The following FAM227A variants were observed in gnomAD, a reference collection of about 807,000 sequenced individuals.
The protein encoded by FAM227A is family with sequence similarity 227 member A.
Under a neutral mutation model 74.7 loss-of-function variants are expected in FAM227A, and 80 were observed. The ratio of observed to expected loss-of-function variants is 1.07; its 90% CI spans 0.89 to 1.29. The LOEUF is 1.29. Ranked by LOEUF, FAM227A falls within the 50% of genes most tolerant of loss-of-function variation. FAM227A has a pLI of 0.00. For missense variants in FAM227A, 654 were observed against 683.4 expected (o/e 0.96, Z 0.48); for synonymous variants, 237 against 241.8 (o/e 0.98, Z 0.19).
intron 2 of FAM227A, among the ~76,000 whole-genome samples, chr22:38,646,140 G>A (rs1425301395): frequency 1.3e-5 from 2 of 150,738 alleles, no homozygotes; most frequent in African/African-American, 4.9e-5. Context: ...AATGAGAGTT[G>A]ACCATATTAT....
chr22:38,601,323 G>A (rs2091173011), intron 13 of FAM227A, among the ~76,000 whole-genome samples: 1 of 151,982 alleles, frequency 6.6e-6, no homozygotes, highest in Non-Finnish European at 1.5e-5. Flanking sequence ...CTGTGGGGAA[G>A]GGAGCCATGG....
intron 5 of FAM227A, among the ~76,000 whole-genome samples, chr22:38,637,943 G>T (rs1251428436): frequency 6.6e-6 from 1 of 152,196 alleles, no homozygotes; most frequent in African/African-American, 2.4e-5. Flanking sequence ...GAGATGGACA[G>T]ATCACTTGAG....
intron 15 of FAM227A, among the ~76,000 whole-genome samples, chr22:38,595,048 AGAT>A (rs2091014526): frequency 6.6e-6 from 1 of 152,202 alleles, no homozygotes; most frequent in Non-Finnish European, 1.5e-5. Flanking sequence ...CAGTGAGCCG[AGAT>A]TGCACCACTG....
intron 9 of FAM227A, 55 bp downstream of exon 9, chr22:38,626,125 G>A: frequency 1.9e-6 from 3 of 1,540,448 alleles, no homozygotes; most frequent in Non-Finnish European, 2.6e-6. Context: ...CTAGGTGCCA[G>A]CGGAAAACAT....
chr22:38,602,919 G>C (rs1245141454), intron 13 of FAM227A, among the ~76,000 whole-genome samples: 1 of 152,106 alleles, frequency 6.6e-6, no homozygotes, highest in Non-Finnish European at 1.5e-5. Context: ...TGTCGCCCAG[G>C]CTGGAGTGCA....
Position 38,638,785 on chromosome 22 carries a change from G to C in FAM227A, c.333C>G (p.Gly111=). 6.5e-7 allele frequency: 1 copy of C among 1,540,382 alleles called. No homozygotes were observed. Among genetic ancestry groups the C allele is most frequent in the Admixed American group, 2.1e-5 (1 of 47,200 alleles). ...RQRKSQYSCK[G]SELRHARSSV... ...AAGATCTGGCATGTCTGAGTTCGGA[G>C]CCTTTGCAGGAATACTGAGATTTCC... The change falls in exon 5 of 17, where the codon GGC becomes GGG. Residue 111 remains glycine (G), a synonymous_variant. Coordinates refer to ENST00000535113, the MANE Select transcript of FAM227A (RefSeq NM_001013647.2).
chr22:38,590,280 A>T (rs2090903653), intron 16 of FAM227A, among the ~76,000 whole-genome samples: 1 of 74,810 alleles, frequency 1.3e-5, no homozygotes. Context: ...ACTCCATCTC[A>T]AAAAAAAAAA....
intron 15 of FAM227A, among the ~76,000 whole-genome samples, chr22:38,595,971 G>GGC (rs1555951780): frequency 9.8e-4 from 1 of 1,020 alleles, no homozygotes; most frequent in African/African-American, 3.8e-3. Flanking sequence ...CAACTAATAA[G>GGC]GGGGGGGGGG....
In FAM227A at chr22:38,585,856, A is replaced by C; in HGVS notation, c.*269T>G. 1.4e-6 allele frequency: 1 copy of C among 692,042 alleles called. No individual in the cohort carries two copies. Among genetic ancestry groups the C allele is most frequent in the Non-Finnish European group, 2.3e-6 (1 of 437,290 alleles). The allele number at this position is 692,042 out of a possible 1,614,324, so 42.9% of individuals were successfully genotyped here. On this transcript the variant is annotated 3_prime_UTR_variant, in exon 17 of 17. Transcript: ENST00000535113. The stretch of plus-strand genomic sequence containing the variant: ...GAAAGTTTTACCTTTGTATGAGGTC[A>C]TATTTGTAACATACTTACCAGCATG...
chr22:38,632,586 A>G (rs2091935219), intron 6 of FAM227A, among the ~76,000 whole-genome samples: 1 of 152,176 alleles, frequency 6.6e-6, no homozygotes, highest in Admixed American at 6.5e-5. Flanking sequence ...AGCAGCACAA[A>G]GAGACTAAGA....
chr22:38,652,609 G>T (rs149761166), intron 1 of FAM227A, among the ~76,000 whole-genome samples: 1 of 138,702 alleles, frequency 7.2e-6, no homozygotes, highest in Non-Finnish European at 1.6e-5. Context: ...AAAAAAGGTC[G>T]GGCGTGGTGG....
At chr22:38,638,620 G>C (rs993368591) in intron 5 of FAM227A, 126 bp downstream of exon 5, 1 of 712,384 alleles carries the variant, frequency 1.4e-6, no homozygotes, top group Non-Finnish European at 2.5e-6. Flanking sequence ...CTAGATTCAG[G>C]AGCTCTGCGA....
At position 38,628,133 on chromosome 22, in the gene FAM227A, T is replaced by C. The variant is rs1205394735; in HGVS notation, c.726+105A>G. On this transcript the variant is annotated intron_variant, in intron 8 of 16. Transcript: ENST00000535113. ...AGTCAGTGTATGGATTATGACAATT[T>C]ACTAATTACTCCCTTATGTAAAGAA... 7.0e-6 allele frequency: 5 copies of C among 712,720 alleles called. No homozygotes were observed. The Admixed American group carries it at 1.3e-4, about 18-fold the overall frequency. 44.1% of individuals were successfully genotyped at this position (712,720 alleles called of 1,614,324 possible).
At chr22:38,639,745 G>C (rs2092075185) in intron 3 of FAM227A, 21 bp from the exon 4 acceptor site, 1 of 1,468,418 alleles carries the variant, frequency 6.8e-7, no homozygotes, top group Admixed American at 2.0e-5. Flanking sequence ...CAAGAAAAAG[G>C]GGGGCATTAG....
At chr22:38,602,514 C>A (rs1569716) in intron 13 of FAM227A, among the ~76,000 whole-genome samples, 51,951 of 151,094 alleles carry the variant, frequency 0.34, 9,091 homozygotes, top group East Asian at 0.47. Flanking sequence ...CCAGTGGTCA[C>A]CAGGGAAATG....
Position 38,626,421 on chromosome 22 carries a change from G to T in FAM227A, c.727-118C>A, listed in dbSNP as rs2091801778. 3.3e-5 allele frequency: 42 copies of T among 1,262,112 alleles called. 1 individual carries two copies. The South Asian group carries it at 6.6e-4, about 20-fold the overall frequency. The allele number at this position is 1,262,112 out of a possible 1,614,324, so 78.2% of individuals were successfully genotyped here. Reference sequence around the variant, plus strand: ...TAGTTTTTGTTGTTGTTGTTGTTTAGAGACAAGGTTCTCACTGTGTTACCC... The same window carrying T: ...TAGTTTTTGTTGTTGTTGTTGTTTATAGACAAGGTTCTCACTGTGTTACCC... On this transcript the variant is annotated intron_variant, in intron 8 of 16. Coordinates refer to ENST00000535113, the MANE Select transcript of FAM227A (RefSeq NM_001013647.2).
chr22:38,592,336 C>T (rs533632507), intron 15 of FAM227A, among the ~76,000 whole-genome samples: 1 of 152,274 alleles, frequency 6.6e-6, no homozygotes, highest in South Asian at 2.1e-4. Context: ...AAAATCTTTA[C>T]TACAATTCAC....
chr22:38,640,191 G>A (rs111535924), intron 3 of FAM227A, among the ~76,000 whole-genome samples: 2 of 151,832 alleles, frequency 1.3e-5, no homozygotes, highest in African/African-American at 2.4e-5. Flanking sequence ...CTGCCACCAC[G>A]CCCGGCTAAT....
intron 14 of FAM227A, 97 bp downstream of exon 14, chr22:38,599,667 G>T: frequency 8.4e-7 from 1 of 1,191,688 alleles, no homozygotes; most frequent in Non-Finnish European, 1.1e-6. Context: ...GCCAGGCGCT[G>T]TGCTAAGGCC....
Sources: gnomAD v4.1 joint callset for allele counts (sites outside exome capture counted in the v4.1 genomes callset) on GRCh38, gnomAD v4.1.1 for gene constraint, MANE v1.5 for transcripts, NCBI Gene and HGNC (gene_info 2026-07-23, HGNC 2026-07-21) for gene names.